The following ERGIC1 variants were observed in gnomAD, a reference collection of about 807,000 sequenced individuals.
ERGIC1 encodes endoplasmic reticulum-golgi intermediate compartment 1.
Under a neutral mutation model 38.3 loss-of-function variants are expected in ERGIC1, and 19 were observed. The ratio of observed to expected loss-of-function variants is 0.50; its 90% CI spans 0.35 to 0.73. ERGIC1 has a LOEUF of 0.73. ERGIC1 is among the 30% of genes least tolerant of loss of function. The pLI is 0.01. For missense variants in ERGIC1, 294 were observed against 389.2 expected (o/e 0.76, Z 2.06); for synonymous variants, 124 against 157.6 (o/e 0.79, Z 1.60).
rs1171833381 is a variant in ERGIC1 at position 172,834,990 on chromosome 5, G to A, written c.20+557G>A. Among the ~76,000 whole-genome samples the A allele has an allele frequency of 6.6e-6, 1 of 152,254 alleles. No individual in the cohort carries two copies. Among genetic ancestry groups the A allele is most frequent in the Non-Finnish European group, 1.5e-5 (1 of 68,036 alleles). On this transcript the variant is annotated intron_variant, in intron 1 of 9. Coordinates refer to ENST00000393784, the MANE Select transcript of ERGIC1 (RefSeq NM_001031711.3). This position sits in a 1 kb window ranked among gnomAD's most constrained non-coding sequence, Gnocchi z 4.1. ...CCTCAGCCCCAGCCCTGTCCGCTGG[G>A]TATGGGGGCACCATGGGAAGGGGAG...
chr5:172,867,529 A>G, intron 1 of ERGIC1: 1 of 446,028 alleles, frequency 2.2e-6, no homozygotes, highest in Non-Finnish European at 4.6e-6. Context: ...CACCAAGAAG[A>G]CAGCCAGGCA....
At chr5:172,860,150 AC>A (rs1470484711) in intron 1 of ERGIC1, among the ~76,000 whole-genome samples, 1 of 93,536 alleles carries the variant, frequency 1.1e-5, no homozygotes, top group Non-Finnish European at 2.9e-5. Context: ...ACAGAGGTGA[AC>A]AAGACATGTC....
At chr5:172,876,942 C>CAA (rs55657794) in intron 1 of ERGIC1, among the ~76,000 whole-genome samples, 1 of 147,410 alleles carries the variant, frequency 6.8e-6, no homozygotes, top group African/African-American at 2.5e-5. Context: ...AACTCCGTCT[C>CAA]AAAAAAAAAA....
At chr5:172,919,108 G>A (rs999690234) in intron 5 of ERGIC1, among the ~76,000 whole-genome samples, 1 of 152,230 alleles carries the variant, frequency 6.6e-6, no homozygotes, top group African/African-American at 2.4e-5. Flanking sequence ...CCCGCCGTTG[G>A]TGGCCCATGT....
intron 1 of ERGIC1, among the ~76,000 whole-genome samples, chr5:172,888,062 G>T (rs1361537379): frequency 6.6e-6 from 1 of 152,176 alleles, no homozygotes; most frequent in African/African-American, 2.4e-5. Context: ...ATTATCCAGT[G>T]CCTACTCTGC....
intron 3 of ERGIC1, chr5:172,905,486 A>G: frequency 2.2e-6 from 1 of 462,968 alleles, no homozygotes; most frequent in Non-Finnish European, 4.4e-6. Context: ...TGAGTGTTAC[A>G]GCTCTATTGG....
intron 4 of ERGIC1, among the ~76,000 whole-genome samples, chr5:172,914,313 C>T (rs1230749413): frequency 6.6e-6 from 1 of 151,816 alleles, no homozygotes; most frequent in Non-Finnish European, 1.5e-5. Context: ...TTCCACCTAG[C>T]GTTCATCAGA....
intron 9 of ERGIC1, among the ~76,000 whole-genome samples, chr5:172,949,455 C>T (rs1290016203): frequency 6.6e-6 from 1 of 152,198 alleles, no homozygotes; most frequent in Non-Finnish European, 1.5e-5. Flanking sequence ...CTGTAACCCA[C>T]CTGGCCCAGG....
chr5:172,869,297 G>C (rs1284577403), intron 1 of ERGIC1, among the ~76,000 whole-genome samples: 1 of 152,256 alleles, frequency 6.6e-6, no homozygotes, highest in African/African-American at 2.4e-5. Flanking sequence ...CCCTGCCAGG[G>C]AATTGCAAAA....
chr5:172,889,370 A>G (rs1490004690), intron 2 of ERGIC1, among the ~76,000 whole-genome samples: 1 of 152,002 alleles, frequency 6.6e-6, no homozygotes, highest in Non-Finnish European at 1.5e-5. Context: ...CTTAAAAATG[A>G]TTTGAGTTTT....
intron 1 of ERGIC1, among the ~76,000 whole-genome samples, chr5:172,855,373 C>T (rs920212227): frequency 3.9e-5 from 6 of 152,186 alleles, no homozygotes; most frequent in African/African-American, 1.4e-4. Flanking sequence ...TGGTCTCGGG[C>T]CTAACCAGGA....
At chr5:172,905,144 A>G in intron 3 of ERGIC1, 1 of 173,396 alleles carries the variant, frequency 5.8e-6, no homozygotes, top group South Asian at 1.3e-4. Flanking sequence ...ACATCATCCC[A>G]CAATCCCTCA....
chr5:172,897,584 C>T (rs2113313882), intron 3 of ERGIC1, among the ~76,000 whole-genome samples: 1 of 152,316 alleles, frequency 6.6e-6, no homozygotes, highest in East Asian at 1.9e-4. Flanking sequence ...CTTGTTAAAG[C>T]TGAAGGGAAC....
At chr5:172,873,881 C>G (rs1010182578) in intron 1 of ERGIC1, among the ~76,000 whole-genome samples, 1 of 152,214 alleles carries the variant, frequency 6.6e-6, no homozygotes, top group Non-Finnish European at 1.5e-5. Context: ...CTCTGTTGAC[C>G]TGTGGTAACT....
At chr5:172,941,313 A>G (rs957598978) in intron 9 of ERGIC1, among the ~76,000 whole-genome samples, 2 of 152,184 alleles carry the variant, frequency 1.3e-5, no homozygotes, top group Admixed American at 1.3e-4. Context: ...AAAAGTGATC[A>G]TATAGCTACC....
chr5:172,914,077 A>AG (rs1262863638), intron 4 of ERGIC1, among the ~76,000 whole-genome samples: 27 of 152,012 alleles, frequency 1.8e-4, no homozygotes, highest in Non-Finnish European at 2.8e-4. Flanking sequence ...TCTACTAAAA[A>AG]TACAAAAAAA....
intron 1 of ERGIC1, among the ~76,000 whole-genome samples, chr5:172,886,456 G>GT (rs1220706500): frequency 6.6e-6 from 1 of 152,092 alleles, no homozygotes; most frequent in African/African-American, 2.4e-5. Flanking sequence ...TCGTGATGAG[G>GT]ATGCCACTAC....
intron 1 of ERGIC1, among the ~76,000 whole-genome samples, chr5:172,866,561 C>T (rs776971755): frequency 5.3e-5 from 8 of 152,222 alleles, no homozygotes; most frequent in Non-Finnish European, 1.2e-4. Flanking sequence ...GGGGGCCAGG[C>T]GCTGTGCTAA....
intron 1 of ERGIC1, among the ~76,000 whole-genome samples, chr5:172,878,900 G>A (rs911710839): frequency 2.6e-5 from 4 of 152,124 alleles, no homozygotes; most frequent in African/African-American, 7.2e-5. Context: ...TGAGTTTTTC[G>A]CCTCACTCCC....
Sources: gnomAD v4.1 joint callset for allele counts (sites outside exome capture counted in the v4.1 genomes callset) on GRCh38, gnomAD v4.1.1 for gene constraint, Gnocchi (gnomAD v3.1) non-coding constraint, MANE v1.5 for transcripts, NCBI Gene and HGNC (gene_info 2026-07-23, HGNC 2026-07-21) for gene names.